The following CAPZA1 variants were observed in gnomAD, a reference collection of about 807,000 sequenced individuals.
The protein encoded by CAPZA1 is F-actin-capping protein subunit alpha-1.
CAPZA1 carries 10 observed loss-of-function variants against 40.8 expected under a neutral mutation model. The observed-to-expected ratio is 0.25, with a 90% CI of 0.15 to 0.42. CAPZA1 has a LOEUF of 0.42. Ranked by LOEUF, CAPZA1 falls within the 10% of genes least tolerant of loss-of-function variation. CAPZA1 has a pLI of 1.00. For missense variants in CAPZA1, 277 were observed against 353.8 expected (o/e 0.78, Z 1.74); for synonymous variants, 98 against 115.0 (o/e 0.85, Z 0.95).
At chr1:112,627,220 A>G (rs1012453185) in intron 1 of CAPZA1, among the ~76,000 whole-genome samples, 12 of 152,210 alleles carry the variant, frequency 7.9e-5, no homozygotes, top group African/African-American at 2.7e-4. Flanking sequence ...TTAAGTAGAT[A>G]GTAAGATAGT....
At chr1:112,645,955 C>A (rs1444212240) in intron 1 of CAPZA1, among the ~76,000 whole-genome samples, 1 of 77,058 alleles carries the variant, frequency 1.3e-5, no homozygotes, top group Non-Finnish European at 2.4e-5. Flanking sequence ...CATAGCGAGA[C>A]CCTGTCTCTT....
At chr1:112,632,643 A>G (rs2101143883) in intron 1 of CAPZA1, among the ~76,000 whole-genome samples, 1 of 152,304 alleles carries the variant, frequency 6.6e-6, no homozygotes, top group East Asian at 1.9e-4. Context: ...TTGCCATTCC[A>G]TGTGTTGTGA....
At chr1:112,628,902 T>C (rs1301639241) in intron 1 of CAPZA1, among the ~76,000 whole-genome samples, 1 of 152,218 alleles carries the variant, frequency 6.6e-6, no homozygotes, top group Non-Finnish European at 1.5e-5. Flanking sequence ...TTTGACTATT[T>C]CTTACCACAC....
In CAPZA1 at chr1:112,659,019, T is replaced by C; in HGVS notation, c.427-3T>C. ...TTTAACTATTTTTTTTTCCCAACAATAGGTTTATGCTAAAACTATCGATGG... is the reference window on the plus strand; with the variant it reads ...TTTAACTATTTTTTTTTCCCAACAACAGGTTTATGCTAAAACTATCGATGG... On this transcript the variant is annotated splice_polypyrimidine_tract_variant and splice_region_variant and intron_variant, in intron 5 of 9. Transcript: ENST00000263168. 1.2e-6 allele frequency: 2 copies of C among 1,606,652 alleles called. No individual in the cohort carries two copies. Among genetic ancestry groups the C allele is most frequent in the Non-Finnish European group, 1.7e-6 (2 of 1,173,438 alleles).
intron 3 of CAPZA1, among the ~76,000 whole-genome samples, chr1:112,651,941 C>CT (rs1303301311): frequency 6.6e-6 from 1 of 151,208 alleles, no homozygotes; most frequent in Non-Finnish European, 1.5e-5. Flanking sequence ...CATGGTGAGA[C>CT]TCCCCCCGAT....
chr1:112,643,487 C>T (rs1671218002), intron 1 of CAPZA1, among the ~76,000 whole-genome samples: 1 of 152,142 alleles, frequency 6.6e-6, no homozygotes, highest in African/African-American at 2.4e-5. Context: ...TCCAGGTAGT[C>T]CACATACCAA....
chr1:112,624,887 C>T (rs1327534368), intron 1 of CAPZA1, among the ~76,000 whole-genome samples: 1 of 152,144 alleles, frequency 6.6e-6, no homozygotes, highest in South Asian at 2.1e-4. Context: ...CTGGGAGGTT[C>T]TATTCATTGT....
intron 7 of CAPZA1, among the ~76,000 whole-genome samples, chr1:112,665,776 A>G (rs1374774287): frequency 2.0e-5 from 3 of 152,102 alleles, no homozygotes; most frequent in Non-Finnish European, 2.9e-5. Context: ...TCACCTCCCA[A>G]AGGCCCCTCC....
intron 1 of CAPZA1, among the ~76,000 whole-genome samples, chr1:112,623,127 C>T (rs1188375444): frequency 2.6e-5 from 4 of 152,204 alleles, no homozygotes; most frequent in African/African-American, 7.2e-5. Context: ...CCTCGTGATC[C>T]GCCTGCCTTG....
intron 9 of CAPZA1, 91 bp downstream of exon 9, chr1:112,669,696 A>T: frequency 1.1e-6 from 1 of 946,042 alleles, no homozygotes; most frequent in South Asian, 1.4e-5. Flanking sequence ...CTTTAATGTA[A>T]ATATACATGC....
In CAPZA1 at chr1:112,654,579, G is replaced by A. The variant is rs201525157; in HGVS notation, c.334G>A (p.Glu112Lys). The A allele has an allele frequency of 1.3e-4, 215 of 1,613,824 alleles. No homozygotes were observed. Among genetic ancestry groups the A allele is most frequent in the Middle Eastern group, 8.2e-4 (5 of 6,082 alleles). Residue 112 changes from glutamate (E) to lysine (K), a missense_variant, in exon 5 of 10, where the codon GAA becomes AAA. Physicochemically the swap from Glu to Lys is moderately conservative, Grantham distance 56. Transcript: ENST00000263168. ...RKEASDPQPE[E>K]ADGGLKSWRE... ...AGAAGCAAGTGACCCCCAGCCAGAA[G>A]AAGCAGATGGAGGTCTGAAGTCTTG... is the stretch of plus-strand genomic sequence containing the variant.
chr1:112,656,059 C>T (rs953965596), intron 5 of CAPZA1, among the ~76,000 whole-genome samples: 2 of 152,034 alleles, frequency 1.3e-5, no homozygotes, highest in African/African-American at 4.8e-5. Flanking sequence ...GAGCTAATAA[C>T]ATGGATTTCT....
At chr1:112,639,829 CT>C (rs1347933537) in intron 1 of CAPZA1, among the ~76,000 whole-genome samples, 1 of 149,636 alleles carries the variant, frequency 6.7e-6, no homozygotes, top group Admixed American at 6.6e-5. Context: ...TGAGGAGCCC[CT>C]CTGCCCGGCC....
At chr1:112,636,335 AAG>A (rs1671018829) in intron 1 of CAPZA1, among the ~76,000 whole-genome samples, 1 of 152,240 alleles carries the variant, frequency 6.6e-6, no homozygotes, top group Admixed American at 6.5e-5. Flanking sequence ...TTTTAGAGGT[AAG>A]AGAATAAGAC....
At position 112,649,535 on chromosome 1, in the gene CAPZA1, A is replaced by G. The variant is rs115458575; in HGVS notation, c.155+66A>G. 1,845 of 1,245,188 alleles carry G rather than the reference A, an allele frequency of 1.5e-3. 20 individuals carry two copies. The African/African-American group carries it at 0.02, about 13-fold the overall frequency. The allele number at this position is 1,245,188 out of a possible 1,614,324, so 77.1% of individuals were successfully genotyped here. The stretch of plus-strand genomic sequence containing the variant: ...ATTGGATAAACTATGTTGACAGTAA[A>G]CTAGCACCCTGAAAACAAAGTTTAA... On this transcript the variant is annotated intron_variant, in intron 3 of 9. Coordinates refer to ENST00000263168, the MANE Select transcript of CAPZA1 (RefSeq NM_006135.3).
chr1:112,652,402 C>G (rs924305517), intron 3 of CAPZA1, among the ~76,000 whole-genome samples: 6 of 150,680 alleles, frequency 4.0e-5, no homozygotes, highest in African/African-American at 1.5e-4. Flanking sequence ...TCGCTTGAAC[C>G]CGGGAAGTGG....
At chr1:112,641,598 T>C (rs544703920) in intron 1 of CAPZA1, among the ~76,000 whole-genome samples, 4 of 152,172 alleles carry the variant, frequency 2.6e-5, no homozygotes, top group African/African-American at 7.2e-5. Flanking sequence ...AAATTAGATA[T>C]TAAAACTGAG....
intron 6 of CAPZA1, chr1:112,659,401 C>A: frequency 1.9e-6 from 1 of 522,438 alleles, no homozygotes; most frequent in East Asian, 3.1e-5. Flanking sequence ...GCCTATTCAT[C>A]TGATTTTGGA....
intron 7 of CAPZA1, among the ~76,000 whole-genome samples, chr1:112,665,178 G>GTTTT (rs55776312): frequency 7.8e-6 from 1 of 128,942 alleles, no homozygotes; most frequent in Non-Finnish European, 1.6e-5. Context: ...GTTTTTTTGT[G>GTTTT]TTTTTTTTTT....
Sources: allele counts gnomAD v4.1 joint callset (sites outside exome capture counted in the v4.1 genomes callset), GRCh38; gene constraint gnomAD v4.1.1; transcripts MANE v1.5; gene names NCBI Gene and HGNC (gene_info 2026-07-23, HGNC 2026-07-21).